The following TRPA1 variants were observed in gnomAD, a reference collection of about 807,000 sequenced individuals.
The protein encoded by TRPA1 is transient receptor potential cation channel subfamily A member 1, also known as ankyrin-like with transmembrane domains 1.
TRPA1 carries 129 observed loss-of-function variants against 131.3 expected under a neutral mutation model. The ratio of observed to expected loss-of-function variants is 0.98; its 90% confidence interval spans 0.85 to 1.14. The LOEUF is 1.14. Among genes scored for constraint, TRPA1 ranks in the 50% most tolerant of loss-of-function variants. The pLI is 0.00. For synonymous variants in TRPA1, 441 were observed against 451.7 expected, an observed-to-expected ratio of 0.98 and a Z score of 0.30; for missense variants, 1,304 against 1,354.2, an observed-to-expected ratio of 0.96 and a Z score of 0.58.
intron 26 of TRPA1, chr8:72,023,419 G>A (rs993314212): frequency 2.1e-6 from 1 of 478,208 alleles, no homozygotes; most frequent in East Asian, 3.7e-5. Flanking sequence ...TAGTTGAATA[G>A]GGGTTTGAAC....
chr8:72,052,673 CT>C lies in TRPA1; in HGVS notation c.1736del (p.Gln579ArgfsTer48). On this transcript the variant is annotated frameshift_variant, in exon 14 of 27. Coordinates refer to ENST00000262209, the MANE Select transcript of TRPA1 (RefSeq NM_007332.3). LOFTEE classifies it high-confidence loss of function. ...GTGCAAGGTGCAAAAAGGAGGCCTGCTGCTTGTTCAGGACTATGTCAGCATT... is the reference window on the plus strand; with the variant it reads ...GTGCAAGGTGCAAAAAGGAGGCCTGCGCTTGTTCAGGACTATGTCAGCATT... ...SHNADIVLNKQQASFLHLALH... is the reference protein window; with the variant it reads ...SHNADIVLNKXQASFLHLALH... 6.2e-7 allele frequency: 1 copy of C among 1,613,834 alleles called. No homozygotes were observed.
intron 17 of TRPA1, among the ~76,000 whole-genome samples, chr8:72,042,006 G>A (rs1812269447): frequency 6.6e-6 from 1 of 151,794 alleles, no homozygotes; most frequent in African/African-American, 2.4e-5. Flanking sequence ...TATCGACTAT[G>A]ACACCAACAG....
intron 7 of TRPA1, chr8:72,060,408 A>G (rs1301382773): frequency 6.6e-6 from 1 of 152,058 alleles, no homozygotes; most frequent in African/African-American, 2.4e-5. Flanking sequence ...ACGTGATTCT[A>G]ATGTGCAACA....
At position 72,034,382 on chromosome 8, in the gene TRPA1, A is replaced by C. The variant is rs760189958; in HGVS notation, c.2556-5T>G. 4 of 1,475,426 alleles carry C rather than the reference A, an allele frequency of 2.7e-6. No individual in the cohort carries two copies. Among genetic ancestry groups the C allele is most frequent in the Non-Finnish European group, 3.7e-6 (4 of 1,071,118 alleles). The allele number at this position is 1,475,426 out of a possible 1,614,324, so 91.4% of individuals were successfully genotyped here. A position where few individuals can be genotyped will look rare whatever the true frequency, so the allele number is the denominator to read the frequency against. ...AAAATTCCACAATTTTCAAATCTAG[A>C]AAAGTAAAAAAAAAAAAATTTACTC... On this transcript the variant is annotated splice_region_variant and splice_polypyrimidine_tract_variant and intron_variant, in intron 21 of 26. Transcript: ENST00000262209.
the TRPA1 span, among the ~76,000 whole-genome samples, chr8:72,089,938 G>A: frequency 2.0e-5 from 3 of 151,966 alleles, no homozygotes; most frequent in African/African-American, 7.2e-5. Flanking sequence ...TGAAGAAAAG[G>A]TATGCTTACC....
chr8:72,029,374 T>A (rs902892866), intron 24 of TRPA1, among the ~76,000 whole-genome samples: 1 of 152,190 alleles, frequency 6.6e-6, no homozygotes. Flanking sequence ...TTCTCTAAGA[T>A]TGTTCTCGGA....
Position 72,055,544 on chromosome 8 carries a change from A to G in TRPA1, c.1421T>C (p.Leu474Pro), listed in dbSNP as rs1031784437. 11 of 1,613,658 alleles carry G rather than the reference A, an allele frequency of 6.8e-6. No individual in the cohort carries two copies. The highest frequency in any genetic ancestry group is 1.3e-5 in the African/African-American group (1 of 75,026). ...RLLQDISDTRLLNEGDLHGMT... is the reference protein window; with the variant it reads ...RLLQDISDTRPLNEGDLHGMT... Reference sequence around the variant, plus strand: ...TCCATGAAGGTCACCTTCATTCAGAAGCCTCGTATCACTTATGTCTTGTAG... The same window carrying G: ...TCCATGAAGGTCACCTTCATTCAGAGGCCTCGTATCACTTATGTCTTGTAG... The change falls in exon 12 of 27, where the codon CTT becomes CCT. Residue 474 changes from leucine (L) to proline (P), a missense_variant. Transcript: ENST00000262209.
At position 72,038,945 on chromosome 8, in the gene TRPA1, T is replaced by G. The variant is rs1476089375; in HGVS notation, c.2215A>C (p.Asn739His). Reference sequence around the variant, plus strand: ...TTGAAAGCCATTCCTGGTTTTATATTGACAACGAGAATGGTCATAGGTATG... The same window carrying G: ...TTGAAAGCCATTCCTGGTTTTATATGGACAACGAGAATGGTCATAGGTATG... ...GLIPMTILVV[N>H]IKPGMAFNST... is the part of the protein sequence containing the mutation. The change falls in exon 19 of 27, where the codon AAT becomes CAT. Residue 739 changes from asparagine (N) to histidine (H), a missense_variant. Physicochemically the swap from Asn to His is moderately conservative, Grantham distance 68 (BLOSUM62 1). Coordinates refer to ENST00000262209, the MANE Select transcript of TRPA1 (RefSeq NM_007332.3). 1 of 1,613,054 alleles carries G rather than the reference T, an allele frequency of 6.2e-7. No homozygotes were observed. The highest frequency in any genetic ancestry group is 8.5e-7 in the Non-Finnish European group (1 of 1,179,464).
Position 72,072,090 on chromosome 8 carries a change from A to G in TRPA1, c.112-223T>C, listed in dbSNP as rs1402519035. ...CATGAAATAAATTTTTTTATCATGA[A>G]CTCATTCATATATGCTTAGAAATAA... On this transcript the variant is annotated intron_variant, in intron 1 of 26. Coordinates refer to ENST00000262209, the MANE Select transcript of TRPA1 (RefSeq NM_007332.3). 2.0e-5 allele frequency among the ~76,000 whole-genome samples: 3 copies of G among 152,202 alleles called. No homozygotes were observed. The East Asian group carries it at 5.8e-4, about 29-fold the overall frequency.
chr8:72,026,494 G>A (rs947681889), intron 24 of TRPA1, among the ~76,000 whole-genome samples: 3 of 152,182 alleles, frequency 2.0e-5, no homozygotes, highest in East Asian at 1.9e-4. Flanking sequence ...GTGTGTGCAC[G>A]TGCACACATG....
At chr8:72,084,997 GA>G in the TRPA1 span, among the ~76,000 whole-genome samples, 11 of 151,956 alleles carry the variant, frequency 7.2e-5, no homozygotes, top group South Asian at 2.1e-4. Flanking sequence ...CATCAGTGTT[GA>G]AAAAGCATGC....
At chr8:72,089,342 C>T in the TRPA1 span, among the ~76,000 whole-genome samples, 1 of 152,038 alleles carries the variant, frequency 6.6e-6, no homozygotes, top group African/African-American at 2.4e-5. Flanking sequence ...ACTTTCCTTG[C>T]TATGCACTTA....
At chr8:72,088,134 T>G in the TRPA1 span, among the ~76,000 whole-genome samples, 2 of 152,250 alleles carry the variant, frequency 1.3e-5, no homozygotes. Flanking sequence ...TGATGAATGC[T>G]TGAAGCTGTC....
chr8:72,051,442 T>C (rs143252591), intron 14 of TRPA1, among the ~76,000 whole-genome samples: 1 of 152,148 alleles, frequency 6.6e-6, no homozygotes, highest in Non-Finnish European at 1.5e-5. Context: ...AAGGAGGAAC[T>C]AAATCTATGG....
intron 10 of TRPA1, 200 bp from the exon 11 acceptor site, chr8:72,056,055 T>C: frequency 4.8e-6 from 3 of 620,486 alleles, no homozygotes; most frequent in Non-Finnish European, 8.6e-6. Context: ...TAGTGTACAT[T>C]ACCATATTAG....
intron 8 of TRPA1, among the ~76,000 whole-genome samples, chr8:72,058,867 A>G (rs1293498981): frequency 6.6e-6 from 1 of 152,292 alleles, no homozygotes; most frequent in East Asian, 1.9e-4. Context: ...TTAAAATTCA[A>G]CTCAAAAGCT....
At chr8:72,024,855 C>T (rs775211287) in intron 25 of TRPA1, among the ~76,000 whole-genome samples, 11 of 151,990 alleles carry the variant, frequency 7.2e-5, no homozygotes, top group African/African-American at 9.7e-5. Flanking sequence ...GATACTGTGG[C>T]GTTAGAATAA....
At chr8:72,038,303 T>G (rs953594446) in intron 19 of TRPA1, among the ~76,000 whole-genome samples, 2 of 152,032 alleles carry the variant, frequency 1.3e-5, no homozygotes, top group African/African-American at 2.4e-5. Context: ...CAAAAATTGC[T>G]AATTGAATTA....
intron 17 of TRPA1, among the ~76,000 whole-genome samples, chr8:72,045,117 T>C (rs1435557105): frequency 6.6e-6 from 1 of 151,942 alleles, no homozygotes; most frequent in Admixed American, 6.6e-5. Flanking sequence ...GGCTATTGAT[T>C]ATGAACTATA....
Sources: allele counts gnomAD v4.1 joint callset (sites outside exome capture counted in the v4.1 genomes callset), GRCh38; gene constraint gnomAD v4.1.1; transcripts MANE v1.5; gene names NCBI Gene and HGNC (gene_info 2026-07-23, HGNC 2026-07-21).